The following DNAI1 variants were observed in gnomAD, a reference collection of about 807,000 sequenced individuals.
The protein encoded by DNAI1 is dynein, axonemal, intermediate polypeptide 1.
DNAI1 carries 67 observed loss-of-function variants against 92.0 expected under a neutral mutation model. The ratio of observed to expected loss-of-function variants is 0.73; its 90% CI spans 0.60 to 0.89. DNAI1 has a LOEUF of 0.89. Ranked by LOEUF, DNAI1 falls within the 40% of genes least tolerant of loss-of-function variation. The probability of loss-of-function intolerance (pLI) is 0.00; values close to 1 mark genes in which losing one functional copy is unlikely to be tolerated. For synonymous variants in DNAI1, 323 were observed against 319.6 expected (o/e 1.01, Z -0.11); for missense variants, 839 against 866.6 (o/e 0.97, Z 0.40).
intron 1 of DNAI1, among the ~76,000 whole-genome samples, chr9:34,468,231 G>A (rs1824073063): frequency 6.6e-6 from 1 of 151,934 alleles, no homozygotes; most frequent in African/African-American, 2.4e-5. Context: ...TGCCAGGCTG[G>A]AATGCAGTGG....
chr9:34,489,835 A>G (rs1355177567), intron 5 of DNAI1, among the ~76,000 whole-genome samples, 177 bp from the exon 6 acceptor site: 1 of 151,930 alleles, frequency 6.6e-6, no homozygotes, highest in African/African-American at 2.4e-5. Context: ...CTGGCGACAC[A>G]GTGAGACTCT....
intron 4 of DNAI1, among the ~76,000 whole-genome samples, chr9:34,486,347 A>G (rs1256321979): frequency 1.3e-5 from 2 of 152,240 alleles, no homozygotes; most frequent in Non-Finnish European, 2.9e-5. Context: ...AACTTAGATT[A>G]AATTAGATAA....
intron 18 of DNAI1, among the ~76,000 whole-genome samples, chr9:34,515,456 G>A (rs1244339682): frequency 6.6e-6 from 1 of 152,146 alleles, no homozygotes; most frequent in Non-Finnish European, 1.5e-5. Flanking sequence ...TCTAGTGAAG[G>A]GAAAGATACA....
At position 34,517,311 on chromosome 9, in the gene DNAI1, C is replaced by T; in HGVS notation, c.1845C>T (p.Asn615=). 6.2e-7 allele frequency: 1 copy of T among 1,614,032 alleles called. No homozygotes were observed. Among genetic ancestry groups the T allele is most frequent in the South Asian group, 1.1e-5 (1 of 91,032 alleles). Reference sequence around the variant, plus strand: ...CCCACATATTTGACTTAGCCATCAACAAGTATGAGGCCATCTGCAACCAGC... The same window carrying T: ...CCCACATATTTGACTTAGCCATCAATAAGTATGAGGCCATCTGCAACCAGC... ...GKAHIFDLAI[N]KYEAICNQPV... The change falls in exon 19 of 20, where the codon AAC becomes AAT. Residue 615 remains asparagine (N), a synonymous_variant. Coordinates refer to ENST00000242317, the MANE Select transcript of DNAI1 (RefSeq NM_012144.4).
intron 14 of DNAI1, 49 bp from the exon 15 acceptor site, chr9:34,512,288 G>T: frequency 6.2e-7 from 1 of 1,612,222 alleles, no homozygotes. Flanking sequence ...TGCTCATCTA[G>T]CCCAACCCAC....
chr9:34,486,185 A>G (rs1402968965), intron 4 of DNAI1, among the ~76,000 whole-genome samples: 2 of 152,144 alleles, frequency 1.3e-5, no homozygotes, highest in Non-Finnish European at 2.9e-5. Context: ...GAAGGGGTGC[A>G]TATGTTTCCT....
chr9:34,473,684 A>G (rs1044169501), intron 1 of DNAI1, among the ~76,000 whole-genome samples: 2 of 152,000 alleles, frequency 1.3e-5, no homozygotes, highest in African/African-American at 2.4e-5. Flanking sequence ...CAAGAATACA[A>G]TATATTGGTT....
intron 1 of DNAI1, among the ~76,000 whole-genome samples, chr9:34,461,923 G>A (rs1278669931): frequency 6.6e-6 from 1 of 152,156 alleles, no homozygotes; most frequent in African/African-American, 2.4e-5. Context: ...TGGGATCCCT[G>A]GGGATGAAGG....
chr9:34,462,622 A>T (rs1055372476), intron 1 of DNAI1, among the ~76,000 whole-genome samples: 1 of 152,172 alleles, frequency 6.6e-6, no homozygotes, highest in Admixed American at 6.5e-5. Flanking sequence ...TGTTCGAAGG[A>T]TGGGAAGGGG....
intron 19 of DNAI1, among the ~76,000 whole-genome samples, 184 bp downstream of exon 19, chr9:34,517,651 A>G (rs904979500): frequency 2.0e-5 from 3 of 152,244 alleles, no homozygotes; most frequent in African/African-American, 7.2e-5. Context: ...GCAGTTTGAC[A>G]TGCTGCATTT....
chr9:34,500,148 T>TG (rs1196621174), intron 10 of DNAI1, among the ~76,000 whole-genome samples: 1 of 152,152 alleles, frequency 6.6e-6, no homozygotes, highest in African/African-American at 2.4e-5. Context: ...AGTGGGAGGA[T>TG]GGGGCATCTA....
chr9:34,509,438 A>C (rs970783610), intron 13 of DNAI1, among the ~76,000 whole-genome samples: 1 of 152,178 alleles, frequency 6.6e-6, no homozygotes, highest in Admixed American at 6.5e-5. Context: ...TAAAAAGATG[A>C]GATTAATATT....
chr9:34,472,323 A>G (rs1193559239), intron 1 of DNAI1, among the ~76,000 whole-genome samples: 3 of 152,220 alleles, frequency 2.0e-5, no homozygotes, highest in Non-Finnish European at 4.4e-5. Context: ...AACGTCTTAC[A>G]TATAATTCGT....
Position 34,517,314 on chromosome 9 carries a change from G to A in DNAI1, c.1848G>A (p.Lys616=). The change falls in exon 19 of 20, where the codon AAG becomes AAA. Residue 616 remains lysine (K), a synonymous_variant. Transcript: ENST00000242317. ...KAHIFDLAIN[K]YEAICNQPVA... ...ACATATTTGACTTAGCCATCAACAA[G>A]TATGAGGCCATCTGCAACCAGCCTG... The A allele has an allele frequency of 1.2e-6, 2 of 1,614,004 alleles. No homozygotes were observed. Among genetic ancestry groups the A allele is most frequent in the Non-Finnish European group, 1.7e-6 (2 of 1,179,990 alleles).
intron 2 of DNAI1, among the ~76,000 whole-genome samples, chr9:34,484,258 C>G (rs1453440680): frequency 6.6e-6 from 1 of 152,120 alleles, no homozygotes; most frequent in African/African-American, 2.4e-5. Flanking sequence ...TTTTCTTTTT[C>G]ACTGTTATTA....
intron 1 of DNAI1, among the ~76,000 whole-genome samples, chr9:34,462,647 G>A (rs921846268): frequency 3.9e-5 from 6 of 152,192 alleles, no homozygotes; most frequent in African/African-American, 1.4e-4. Context: ...GCTGGGATGG[G>A]GAGACTTGTG....
chr9:34,477,798 G>C (rs542143987), intron 1 of DNAI1, among the ~76,000 whole-genome samples: 1 of 152,020 alleles, frequency 6.6e-6, no homozygotes, highest in African/African-American at 2.4e-5. Flanking sequence ...AGAACATAAT[G>C]AGGTCAGTTT....
intron 1 of DNAI1, among the ~76,000 whole-genome samples, chr9:34,470,990 A>G (rs967455738): frequency 6.6e-6 from 1 of 152,256 alleles, no homozygotes; most frequent in Admixed American, 6.5e-5. Context: ...TAGAAATTAA[A>G]GAATACTTCT....
chr9:34,501,493 T>C (rs1824830066), intron 12 of DNAI1, among the ~76,000 whole-genome samples: 1 of 152,190 alleles, frequency 6.6e-6, no homozygotes, highest in African/African-American at 2.4e-5. Context: ...ATGAAGCTGC[T>C]GGGGGGGCCA....
Sources: gnomAD v4.1 joint callset for allele counts (sites outside exome capture counted in the v4.1 genomes callset) on GRCh38, gnomAD v4.1.1 for gene constraint, MANE v1.5 for transcripts, NCBI Gene and HGNC (gene_info 2026-07-23, HGNC 2026-07-21) for gene names.